The following AFF1 variants were observed in gnomAD, a reference collection of about 807,000 sequenced individuals.
The protein encoded by AFF1 is AF4/FMR2 family member 1.
Under a neutral mutation model 121.7 loss-of-function variants are expected in AFF1, and 48 were observed. The observed-to-expected ratio is 0.39, with a 90% confidence interval of 0.31 to 0.50. AFF1 has a LOEUF of 0.50. Ranked by LOEUF, AFF1 falls within the 20% of genes least tolerant of loss-of-function variation. The pLI is 0.76. For missense variants in AFF1, 1,523 were observed against 1,511.7 expected (o/e 1.01, Z -0.12); for synonymous variants, 613 against 563.0 (o/e 1.09, Z -1.26).
At chr4:87,007,031 T>C in intron 2 of AFF1, 1 of 1,162,578 alleles carries the variant, frequency 8.6e-7, no homozygotes, top group Non-Finnish European at 1.1e-6. Context: ...GTTGTGCTGT[T>C]GCTGGGCAGG....
intron 4 of AFF1, among the ~76,000 whole-genome samples, chr4:87,081,184 CAG>C (rs1404308994): frequency 2.7e-5 from 2 of 73,690 alleles, no homozygotes; most frequent in Non-Finnish European, 4.8e-5. Flanking sequence ...TTTTTTGAGA[CAG>C]AGTCTCACTC....
chr4:87,100,976 A>G (rs1212923115), intron 8 of AFF1, among the ~76,000 whole-genome samples: 10 of 152,180 alleles, frequency 6.6e-5, no homozygotes, highest in Non-Finnish European at 1.5e-4. Flanking sequence ...TTTTTATCAT[A>G]TCAACCATTA....
At chr4:87,128,653 G>C (rs1728529489) in intron 16 of AFF1, among the ~76,000 whole-genome samples, 1 of 152,182 alleles carries the variant, frequency 6.6e-6, no homozygotes. Flanking sequence ...ATCCTGGCCT[G>C]GTGCTCTTCA....
chr4:87,057,881 G>T (rs755865698), intron 4 of AFF1, among the ~76,000 whole-genome samples: 7 of 151,902 alleles, frequency 4.6e-5, no homozygotes, highest in South Asian at 2.1e-4. Context: ...AACCCCCACC[G>T]CTGTCTTCAA....
chr4:87,076,800 T>G (rs958586385), intron 4 of AFF1, among the ~76,000 whole-genome samples: 32 of 152,360 alleles, frequency 2.1e-4, no homozygotes, highest in African/African-American at 7.5e-4. Context: ...CTTCTGAAAG[T>G]AGAATTACTG....
Position 87,135,786 on chromosome 4 carries a change from G to T in AFF1, c.*85G>T. 1 of 1,453,580 alleles carries T rather than the reference G, an allele frequency of 6.9e-7. No individual in the cohort carries two copies. The allele number at this position is 1,453,580 out of a possible 1,614,324, so 90.0% of individuals were successfully genotyped here. A position where few individuals can be genotyped will look rare whatever the true frequency, so the allele number is the denominator to read the frequency against. ...AACAGTCCAGACATTTGTTTCATCAGGACACCAAACTCTAAAAAAGAAGCA... is the reference window on the plus strand; with the variant it reads ...AACAGTCCAGACATTTGTTTCATCATGACACCAAACTCTAAAAAAGAAGCA... On this transcript the variant is annotated 3_prime_UTR_variant, in exon 21 of 21. Transcript: ENST00000395146.
chr4:87,008,983 T>TA (rs77110817), intron 2 of AFF1, among the ~76,000 whole-genome samples: 31,953 of 152,140 alleles, frequency 0.21, 3,518 homozygotes, highest in East Asian at 0.32. Flanking sequence ...AAGATTAAGA[T>TA]ACCTTGATCT....
intron 2 of AFF1, among the ~76,000 whole-genome samples, chr4:87,032,368 C>G (rs946347152): frequency 3.3e-5 from 5 of 152,164 alleles, no homozygotes; most frequent in Non-Finnish European, 7.3e-5. Context: ...GTTTTTATGA[C>G]ATTAAGCTTT....
chr4:87,061,955 G>T (rs562670388), intron 4 of AFF1, among the ~76,000 whole-genome samples: 3 of 152,258 alleles, frequency 2.0e-5, no homozygotes, highest in African/African-American at 7.2e-5. Context: ...TTTCCTACAA[G>T]TCTTTAAATG....
intron 2 of AFF1, among the ~76,000 whole-genome samples, chr4:87,035,460 T>C (rs1311815295): frequency 2.2e-4 from 33 of 151,684 alleles, no homozygotes; most frequent in African/African-American, 7.0e-4. Flanking sequence ...ACTCAGGAGG[T>C]TGAGGCAGGA....
intron 4 of AFF1, among the ~76,000 whole-genome samples, chr4:87,051,053 A>G (rs1343738845): frequency 6.6e-6 from 1 of 152,146 alleles, no homozygotes; most frequent in Non-Finnish European, 1.5e-5. Context: ...TGAAAAGGAG[A>G]AGTGGAATAA....
chr4:87,059,543 A>G (rs1415484688), intron 4 of AFF1, among the ~76,000 whole-genome samples: 1 of 152,136 alleles, frequency 6.6e-6, no homozygotes, highest in African/African-American at 2.4e-5. Context: ...GCTTCTCAGT[A>G]TGCCACATTA....
chr4:87,112,876 A>AGC (rs1425677938), intron 11 of AFF1, among the ~76,000 whole-genome samples: 1 of 152,266 alleles, frequency 6.6e-6, no homozygotes, highest in East Asian at 1.9e-4. Context: ...ACATAAGGAC[A>AGC]GCGATGTATA....
intron 2 of AFF1, among the ~76,000 whole-genome samples, chr4:86,993,867 G>A (rs983021199): frequency 6.6e-6 from 1 of 152,222 alleles, no homozygotes; most frequent in African/African-American, 2.4e-5. Flanking sequence ...GGGAGGCTAA[G>A]GCAGGAGAAT....
At chr4:87,049,054 T>G (rs1277183770) in intron 4 of AFF1, among the ~76,000 whole-genome samples, 86 of 108,110 alleles carry the variant, frequency 8.0e-4, no homozygotes, top group African/African-American at 3.0e-3. Flanking sequence ...CTTTATCAAA[T>G]AGGGTTAGCT....
At chr4:87,125,002 G>T in intron 12 of AFF1, 35 bp from the exon 13 acceptor site, 7 of 1,489,858 alleles carry the variant, frequency 4.7e-6, no homozygotes, top group Non-Finnish European at 5.4e-6. Context: ...CAATTATGTT[G>T]GTAATAATTT....
intron 4 of AFF1, among the ~76,000 whole-genome samples, chr4:87,060,418 A>C (rs1020236430): frequency 6.6e-6 from 1 of 152,028 alleles, no homozygotes; most frequent in African/African-American, 2.4e-5. Context: ...TTAATCTAGA[A>C]AAGGATTTGC....
At chr4:87,024,565 A>G (rs868844757) in intron 2 of AFF1, among the ~76,000 whole-genome samples, 1 of 151,936 alleles carries the variant, frequency 6.6e-6, no homozygotes. Context: ...AAAGATGTGA[A>G]ATCCCTTTTA....
intron 2 of AFF1, among the ~76,000 whole-genome samples, chr4:86,972,942 G>C (rs1454857882): frequency 6.6e-6 from 1 of 152,144 alleles, no homozygotes; most frequent in Non-Finnish European, 1.5e-5. Context: ...TATTTCTGTT[G>C]GTTATAGCTG....
Sources: gnomAD v4.1 joint callset for allele counts (sites outside exome capture counted in the v4.1 genomes callset) on GRCh38, gnomAD v4.1.1 for gene constraint, MANE v1.5 for transcripts, NCBI Gene and HGNC (gene_info 2026-07-23, HGNC 2026-07-21) for gene names.